The following NLRP8 variants were observed in gnomAD, a reference collection of about 807,000 sequenced individuals.
NLRP8 encodes NLR family pyrin domain containing 8.
A neutral mutation model predicts 88.7 loss-of-function variants in NLRP8; 86 were observed. The ratio of observed to expected loss-of-function variants is 0.97; its 90% CI spans 0.81 to 1.16. The LOEUF is 1.16. Ranked by LOEUF, NLRP8 falls within the 50% of genes most tolerant of loss-of-function variation. NLRP8 has a pLI of 0.00. For synonymous variants in NLRP8, 504 were observed against 494.6 expected (o/e 1.02, Z -0.25); for missense variants, 1,342 against 1,286.5 (o/e 1.04, Z -0.66).
intron 4 of NLRP8, among the ~76,000 whole-genome samples, 190 bp downstream of exon 4, chr19:55,962,427 C>T (rs916387687): frequency 9.2e-5 from 14 of 152,212 alleles, no homozygotes; most frequent in African/African-American, 1.9e-4. Context: ...GCCAGGCTGA[C>T]GGCTCGATCT....
chr19:55,950,939 G>T (rs556099040), intron 1 of NLRP8, among the ~76,000 whole-genome samples: 1 of 152,174 alleles, frequency 6.6e-6, no homozygotes, highest in Non-Finnish European at 1.5e-5. Context: ...TTAGCCGGGC[G>T]TGGTGGCGCA....
rs776861396 is a variant in NLRP8, at chr19:55,954,553, G to A, written c.495G>A (p.Trp165Ter). Residue 165 changes from tryptophan to a stop codon, truncating the protein, a stop_gained, in exon 3 of 10, where the codon TGG becomes TGA. Transcript: ENST00000291971. LOFTEE classifies it high-confidence loss of function. Reference sequence around the variant, plus strand: ...TGATGGAAAAGTTTTTCCCCATATGGGACATTACGACTTGGCCTGGAAACC... The same window carrying A: ...TGATGGAAAAGTTTTTCCCCATATGAGACATTACGACTTGGCCTGGAAACC... 2 of 1,614,076 alleles carry A rather than the reference G, an allele frequency of 1.2e-6. No homozygotes were observed. The highest frequency in any genetic ancestry group is 2.2e-5 in the South Asian group (2 of 91,070).
chr19:55,963,409 G>A (rs1979700751), intron 4 of NLRP8, among the ~76,000 whole-genome samples: 1 of 152,216 alleles, frequency 6.6e-6, no homozygotes, highest in South Asian at 2.1e-4. Flanking sequence ...AAGGCAGACA[G>A]CCTTAAGCTC....
In NLRP8 at chr19:55,987,879, G is replaced by GA. The variant is rs781504684; in HGVS notation, c.3118dup (p.Ser1040LysfsTer2). ...ACTCCTCACCCACCCGACTTCACGGGAAAAAGTGACTGCCTATCCCAGATT... is the reference window on the plus strand; with the variant it reads ...ACTCCTCACCCACCCGACTTCACGGGAAAAAAGTGACTGCCTATCCCAGATT... On this transcript the variant is annotated frameshift_variant, in exon 10 of 10. Transcript: ENST00000291971. LOFTEE classifies it high-confidence loss of function. The GA allele has an allele frequency of 6.2e-7, 1 of 1,613,078 alleles. No homozygotes were observed. The highest frequency in any genetic ancestry group is 1.7e-5 in the Admixed American group (1 of 59,906).
At chr19:55,964,577 C>T (rs1018637717) in intron 4 of NLRP8, among the ~76,000 whole-genome samples, 3 of 151,930 alleles carry the variant, frequency 2.0e-5, no homozygotes, top group African/African-American at 7.3e-5. Flanking sequence ...CACGGTGAAA[C>T]CCTGTCTCTA....
At chr19:55,962,032 G>T in intron 3 of NLRP8, 35 bp from the exon 4 acceptor site, 1 of 1,601,892 alleles carries the variant, frequency 6.2e-7, no homozygotes, top group Non-Finnish European at 8.5e-7. Context: ...CCAGTTTAAC[G>T]AAGAGGTGTT....
intron 6 of NLRP8, among the ~76,000 whole-genome samples, chr19:55,971,215 G>A (rs376438479): frequency 2.8e-4 from 42 of 152,156 alleles, no homozygotes; most frequent in African/African-American, 7.9e-4. Context: ...CGAGGCGGGC[G>A]GATCACCTGA....
rs749263886 is a variant in NLRP8, at chr19:55,955,161, T to C, written c.1103T>C (p.Met368Thr). Residue 368 changes from methionine (M) to threonine (T), a missense_variant, in exon 3 of 10, where the codon ATG becomes ACG. By Grantham distance (81) the Met-to-Thr change is moderately conservative. Transcript: ENST00000291971. ...ATGGAAAAAATCAAGTATTTCCAGA[T>C]GTATTTTGGACACACAGAGGAGGGA... is the stretch of plus-strand genomic sequence containing the variant. 8 of 1,614,046 alleles carry C rather than the reference T, an allele frequency of 5.0e-6. No individual in the cohort carries two copies. Among genetic ancestry groups the C allele is most frequent in the South Asian group, 2.2e-5 (2 of 91,078 alleles).
At chr19:55,984,010 A>G (rs1312212196) in intron 9 of NLRP8, among the ~76,000 whole-genome samples, 1 of 152,178 alleles carries the variant, frequency 6.6e-6, no homozygotes, top group East Asian at 1.9e-4. Context: ...TCCCTAAGAT[A>G]AAAATGAGAG....
chr19:55,952,764 A>G (rs1234092690), intron 2 of NLRP8, 152 bp downstream of exon 2: 5 of 608,966 alleles, frequency 8.2e-6, no homozygotes, highest in African/African-American at 1.9e-5. Context: ...TGTCTCTACT[A>G]AAAACACAGA....
chr19:55,955,841 C>G lies in NLRP8; in HGVS notation c.1783C>G (p.His595Asp). The G allele has an allele frequency of 6.2e-7, 1 of 1,614,152 alleles. No individual in the cohort carries two copies. The highest frequency in any genetic ancestry group is 8.5e-7 in the Non-Finnish European group (1 of 1,180,024). Reference sequence around the variant, plus strand: ...ACTGCTGAAAGTCATACCTCTGTTGCATAAATGTGACCCACCTTCTCCGGG... The same window carrying G: ...ACTGCTGAAAGTCATACCTCTGTTGGATAAATGTGACCCACCTTCTCCGGG... Residue 595 changes from histidine to aspartate, a missense_variant, in exon 3 of 10, where the codon CAT (histidine) becomes GAT (aspartate). Coordinates refer to ENST00000291971, the MANE Select transcript of NLRP8 (RefSeq NM_176811.2).
At chr19:55,975,580 G>A (rs377529769) in intron 7 of NLRP8, among the ~76,000 whole-genome samples, 12 of 152,170 alleles carry the variant, frequency 7.9e-5, no homozygotes, top group African/African-American at 2.7e-4. Context: ...GTGTATTCAC[G>A]CAATGGAATG....
Position 55,973,648 on chromosome 19 carries a change from A to G in NLRP8, c.2535-4A>G, listed in dbSNP as rs1256633885. The G allele has an allele frequency of 3.8e-6, 6 of 1,599,534 alleles. No individual in the cohort carries two copies. The highest frequency in any genetic ancestry group is 3.4e-5 in the South Asian group (3 of 89,230). On this transcript the variant is annotated splice_polypyrimidine_tract_variant and splice_region_variant and intron_variant, in intron 6 of 9. Transcript: ENST00000291971. ...TCAGTCATCTGTGTGCTTCTCTCCC[A>G]TAGGATAGAGAACTGCAACCTTACA... is the stretch of plus-strand genomic sequence containing the variant.
intron 2 of NLRP8, among the ~76,000 whole-genome samples, chr19:55,953,588 C>T (rs868043394): frequency 3.3e-5 from 5 of 151,980 alleles, no homozygotes; most frequent in African/African-American, 9.7e-5. Context: ...AACCTTCTGC[C>T]TCCCAGGTTC....
intron 9 of NLRP8, among the ~76,000 whole-genome samples, chr19:55,981,764 T>C (rs1980581424): frequency 6.6e-6 from 1 of 152,236 alleles, no homozygotes; most frequent in Admixed American, 6.5e-5. Context: ...CCTAACTAAC[T>C]ACTACATTCT....
Position 55,987,810 on chromosome 19 carries a change from C to G in NLRP8, c.3048-4C>G, listed in dbSNP as rs1193255729. The G allele has an allele frequency of 5.6e-6, 9 of 1,611,856 alleles. No homozygotes were observed. In the Admixed American group the frequency reaches 1.5e-4, roughly 27 times the overall value. ...ACCAGCAGCCTTCCTTTACCTCCCT[C>G]CAGCTGTATTCCTGCCTGGACTCGA... is the stretch of plus-strand genomic sequence containing the variant. On this transcript the variant is annotated splice_polypyrimidine_tract_variant and splice_region_variant and intron_variant, in intron 9 of 9. Coordinates refer to ENST00000291971, the MANE Select transcript of NLRP8 (RefSeq NM_176811.2).
chr19:55,960,826 A>T (rs893306519), intron 3 of NLRP8, among the ~76,000 whole-genome samples: 6 of 152,184 alleles, frequency 3.9e-5, no homozygotes, highest in Middle Eastern at 3.4e-3. Context: ...ATTCTTTGAA[A>T]AATAGGTGTG....
intron 9 of NLRP8, among the ~76,000 whole-genome samples, chr19:55,982,193 T>G (rs1980603855): frequency 6.6e-6 from 1 of 152,142 alleles, no homozygotes; most frequent in African/African-American, 2.4e-5. Context: ...TGAGCCACTA[T>G]GCCCGGCCCA....
intron 3 of NLRP8, among the ~76,000 whole-genome samples, chr19:55,957,680 T>TA (rs1979431906): frequency 4.0e-3 from 7 of 1,760 alleles, no homozygotes; most frequent in Non-Finnish European, 4.9e-3. Context: ...TAATTATATA[T>TA]ATATATATAT....
Sources: allele counts gnomAD v4.1 joint callset (sites outside exome capture counted in the v4.1 genomes callset), GRCh38; gene constraint gnomAD v4.1.1; transcripts MANE v1.5; gene names NCBI Gene and HGNC (gene_info 2026-07-23, HGNC 2026-07-21).